The following TBPL2 variants were observed in gnomAD, a reference collection of about 807,000 sequenced individuals.
The protein encoded by TBPL2 is TATA box-binding protein-like 2.
TBPL2 carries 40 observed loss-of-function variants against 38.2 expected under a neutral mutation model. That is an observed-to-expected ratio of 1.05 (90% CI 0.81 to 1.36). The LOEUF is 1.36. Ranked by LOEUF, TBPL2 falls within the 40% of genes most tolerant of loss-of-function variation. The pLI, the probability that TBPL2 is intolerant of heterozygous loss-of-function variation, is 0.00. For missense variants in TBPL2, 461 were observed against 456.7 expected, an observed-to-expected ratio of 1.01 and a Z score of -0.09; for synonymous variants, 169 against 171.7, an observed-to-expected ratio of 0.98 and a Z score of 0.12.
Position 55,420,139 on chromosome 14 carries a change from C to T in TBPL2, c.1051+4020G>A, listed in dbSNP as rs556453135. On this transcript the variant is annotated intron_variant, in intron 6 of 6. Coordinates refer to ENST00000247219, the Ensembl canonical transcript of TBPL2. Reference sequence around the variant, plus strand: ...AGGCTAGAGTGCAGTGGCACGATCTCGGCTCACTGCAACTTCCGCCTCCCA... The same window carrying T: ...AGGCTAGAGTGCAGTGGCACGATCTTGGCTCACTGCAACTTCCGCCTCCCA... Among the ~76,000 whole-genome samples, 4 of 152,320 alleles carry T rather than the reference C, an allele frequency of 2.6e-5. No homozygotes were observed. In the East Asian group the frequency reaches 7.7e-4, roughly 29 times the overall value.
At position 55,429,201 on chromosome 14, in the gene TBPL2, C is replaced by A. The variant is rs116674866; in HGVS notation, c.789-227G>T. 8.8e-3 allele frequency among the ~76,000 whole-genome samples: 1,343 copies of A among 152,304 alleles called. 24 individuals carry two copies. Among genetic ancestry groups the A allele is most frequent in the African/African-American group, 0.031 (1,290 of 41,550 alleles). ...GAACAGAATCATAAATTTTTGTCTT[C>A]ATTTGTCACCTTTCATATATGAAGT... On this transcript the variant is annotated intron_variant, in intron 4 of 6. Transcript: ENST00000247219.
intron 6 of TBPL2, among the ~76,000 whole-genome samples, chr14:55,416,800 A>G (rs1381902006): frequency 6.6e-6 from 1 of 152,222 alleles, no homozygotes; most frequent in East Asian, 1.9e-4. Flanking sequence ...GCAAACACAC[A>G]CATGCCCCTC....
chr14:55,439,258 G>T (rs1886065969), intron 1 of TBPL2, among the ~76,000 whole-genome samples: 1 of 136,668 alleles, frequency 7.3e-6, no homozygotes, highest in East Asian at 2.5e-4. Context: ...GGATTTTTAA[G>T]TCTTAAGAGT....
chr14:55,438,793 AC>A (rs1886056691), intron 1 of TBPL2: 1 of 151,288 alleles, frequency 6.6e-6, no homozygotes, highest in Admixed American at 6.6e-5. Context: ...GTATCCACTT[AC>A]CTTTCTCAGA....
chr14:55,439,406 G>C (rs1326112003), intron 1 of TBPL2, among the ~76,000 whole-genome samples: 2 of 152,074 alleles, frequency 1.3e-5, no homozygotes, highest in Non-Finnish European at 2.9e-5. Context: ...AGGGGACAGG[G>C]GCTCTCTGTT....
At chr14:55,418,491 G>A (rs986879409) in intron 6 of TBPL2, among the ~76,000 whole-genome samples, 6 of 152,088 alleles carry the variant, frequency 3.9e-5, no homozygotes, top group African/African-American at 1.4e-4. Flanking sequence ...GCATTGCACC[G>A]CTCAAGTTAT....
intron 2 of TBPL2, 74 bp from the exon 3 acceptor site, chr14:55,436,008 T>G: frequency 1.0e-6 from 1 of 986,776 alleles, no homozygotes. Context: ...ACTTATTTTC[T>G]CATTTCTTAG....
intron 5 of TBPL2, among the ~76,000 whole-genome samples, chr14:55,425,704 A>G (rs1396407377): frequency 2.6e-5 from 4 of 152,194 alleles, no homozygotes; most frequent in Admixed American, 6.5e-5. Context: ...TACTTCCCCA[A>G]GAAAATCTTC....
In TBPL2 at chr14:55,416,011, A is replaced by G. The variant is rs967547634; in HGVS notation, c.1052-1556T>C. Among the ~76,000 whole-genome samples, 7 of 152,362 alleles carry G rather than the reference A, an allele frequency of 4.6e-5. No homozygotes were observed. The South Asian group carries it at 1.2e-3, about 27-fold the overall frequency. On this transcript the variant is annotated intron_variant, in intron 6 of 6. Transcript: ENST00000247219. ...GAAAAGTCACATGTTATAAGATTCT[A>G]TGTATAAGAAGTATCCAGAAGAGTT... is the stretch of plus-strand genomic sequence containing the variant.
At chr14:55,428,820 G>C (rs1010477987) in exon 5 of TBPL2, 1 of 1,614,026 alleles carries the variant, frequency 6.2e-7, no homozygotes, top group Non-Finnish European at 8.5e-7. Flanking sequence ...CTGAACTGCT[G>C]ATGGGTTAGC....
At position 55,440,500 on chromosome 14, in the gene TBPL2, G is replaced by A. The variant is rs761558020; in HGVS notation, c.46C>T (p.Pro16Ser). The change falls in exon 1 of 7, where the codon CCG (proline) becomes TCG (serine). Residue 16 changes from proline (P) to serine (S), a missense_variant. Coordinates refer to ENST00000247219, the Ensembl canonical transcript of TBPL2. ...GGGGGCGGGTAAGAGGGTAAGCGCG[G>A]AGCGAGCAGCCTCGGAACCCGCTCC... is the stretch of plus-strand genomic sequence containing the variant. 1.3e-5 allele frequency: 21 copies of A among 1,612,136 alleles called. No homozygotes were observed. The highest frequency in any genetic ancestry group is 5.0e-5 in the Admixed American group (3 of 59,926).
intron 5 of TBPL2, among the ~76,000 whole-genome samples, chr14:55,425,449 G>A (rs1594791026): frequency 6.6e-6 from 1 of 152,326 alleles, no homozygotes; most frequent in South Asian, 2.1e-4. Context: ...GTATGTAAAT[G>A]ATATTGAACT....
intron 5 of TBPL2, among the ~76,000 whole-genome samples, chr14:55,427,836 C>T (rs779753342): frequency 1.1e-3 from 167 of 150,182 alleles, no homozygotes; most frequent in African/African-American, 2.7e-3. Flanking sequence ...GCTATATACA[C>T]ACACACACAC....
At chr14:55,422,542 C>A (rs977772529) in intron 6 of TBPL2, among the ~76,000 whole-genome samples, 2 of 152,154 alleles carry the variant, frequency 1.3e-5, no homozygotes, top group Non-Finnish European at 2.9e-5. Flanking sequence ...AGCCACCGCG[C>A]CCGGTCATAA....
At chr14:55,434,350 G>C (rs117441282) in intron 3 of TBPL2, among the ~76,000 whole-genome samples, 1,542 of 152,276 alleles carry the variant, frequency 0.01, 11 homozygotes, top group Non-Finnish European at 0.016. Flanking sequence ...ACTCGTGAGG[G>C]TAGGGAACCT....
chr14:55,416,423 C>T (rs1175844487), intron 6 of TBPL2, among the ~76,000 whole-genome samples: 1 of 151,576 alleles, frequency 6.6e-6, no homozygotes, highest in Non-Finnish European at 1.5e-5. Context: ...GACACCCTGT[C>T]TCCATAAAAA....
chr14:55,432,965 A>G (rs1420487226), intron 4 of TBPL2, among the ~76,000 whole-genome samples: 1 of 152,192 alleles, frequency 6.6e-6, no homozygotes, highest in East Asian at 1.9e-4. Flanking sequence ...CTATCCATTT[A>G]TCTGCAATGA....
chr14:55,427,086 G>A (rs1885837788), intron 5 of TBPL2, among the ~76,000 whole-genome samples: 1 of 152,208 alleles, frequency 6.6e-6, no homozygotes, highest in African/African-American at 2.4e-5. Context: ...TGACTTGAGA[G>A]TCTGGAAGAT....
At chr14:55,414,476 A>G in intron 6 of TBPL2, 21 bp from the exon 7 acceptor site, 1 of 1,544,150 alleles carries the variant, frequency 6.5e-7, no homozygotes, top group Non-Finnish European at 8.7e-7. Context: ...ATCCAGGTTT[A>G]TATAATTTTT....
Sources: allele counts gnomAD v4.1 joint callset (sites outside exome capture counted in the v4.1 genomes callset), GRCh38; gene constraint gnomAD v4.1.1; transcripts MANE v1.5; gene names NCBI Gene and HGNC (gene_info 2026-07-23, HGNC 2026-07-21).